Variants in RORB observed in about 807,000 individuals in gnomAD.
RORB encodes RAR related orphan receptor B.
RORB carries 6 observed loss-of-function variants against 59.1 expected under a neutral mutation model. The ratio of observed to expected loss-of-function variants is 0.10; its 90% CI spans 0.06 to 0.20. The LOEUF (loss-of-function observed/expected upper bound fraction) is 0.20, where lower values mean the gene tolerates loss of function less well. RORB is among the 10% of genes least tolerant of loss of function. The pLI is 1.00. For missense variants in RORB, 320 were observed against 560.5 expected (o/e 0.57, Z 4.33); for synonymous variants, 215 against 204.5 (o/e 1.05, Z -0.44).
chr9:74,533,782 A>G (rs1202776631), intron 1 of RORB, among the ~76,000 whole-genome samples: 1 of 151,966 alleles, frequency 6.6e-6, no homozygotes, highest in Non-Finnish European at 1.5e-5. Context: ...ATTCCTTTTT[A>G]CTAAATATAT....
chr9:74,516,693 T>A (rs1259614282), intron 1 of RORB, among the ~76,000 whole-genome samples: 1 of 152,028 alleles, frequency 6.6e-6, no homozygotes, highest in East Asian at 1.9e-4. Flanking sequence ...CAATGTCAAC[T>A]TAACTGACAT....
chr9:74,570,850 A>G (rs1822540316), intron 1 of RORB, among the ~76,000 whole-genome samples: 1 of 152,102 alleles, frequency 6.6e-6, no homozygotes, highest in Non-Finnish European at 1.5e-5. Context: ...GAAGGTGACT[A>G]AGCAAATGGA....
At chr9:74,604,739 CT>C (rs1001667706) in intron 1 of RORB, among the ~76,000 whole-genome samples, 33 of 152,228 alleles carry the variant, frequency 2.2e-4, no homozygotes, top group African/African-American at 7.9e-4. Flanking sequence ...AAGAAGAAGT[CT>C]TTTAAGTCTT....
chr9:74,578,420 T>C (rs1822669454), intron 1 of RORB, among the ~76,000 whole-genome samples: 1 of 152,252 alleles, frequency 6.6e-6, no homozygotes, highest in East Asian at 1.9e-4. Context: ...GAGTAAAGTA[T>C]GTTTAGGTTT....
chr9:74,517,296 T>C (rs1277481473), intron 1 of RORB, among the ~76,000 whole-genome samples: 1 of 152,030 alleles, frequency 6.6e-6, no homozygotes, highest in East Asian at 1.9e-4. Context: ...GATTCCAATG[T>C]TGTTTTCTGC....
chr9:74,514,212 A>C (rs1307900168), intron 1 of RORB, among the ~76,000 whole-genome samples: 1 of 152,152 alleles, frequency 6.6e-6, no homozygotes, highest in Non-Finnish European at 1.5e-5. Context: ...AATAACTACC[A>C]ACCTCAGAAT....
chr9:74,510,203 T>C (rs1242089499), intron 1 of RORB, among the ~76,000 whole-genome samples: 1 of 152,140 alleles, frequency 6.6e-6, no homozygotes, highest in Admixed American at 6.6e-5. Context: ...TGACTAAATT[T>C]GACCACAGAT....
intron 9 of RORB, among the ~76,000 whole-genome samples, chr9:74,680,820 T>G (rs369282934): frequency 6.0e-4 from 91 of 152,304 alleles, no homozygotes; most frequent in African/African-American, 2.0e-3. Flanking sequence ...GGAGGGCATC[T>G]TGATGGCCTG....
At chr9:74,616,485 T>G (rs1192783322) in intron 1 of RORB, among the ~76,000 whole-genome samples, 1 of 152,206 alleles carries the variant, frequency 6.6e-6, no homozygotes, top group African/African-American at 2.4e-5. Context: ...ACTGTTTCTG[T>G]GCAATTACCA....
intron 4 of RORB, among the ~76,000 whole-genome samples, chr9:74,646,601 A>G (rs1245068343): frequency 6.6e-6 from 1 of 152,184 alleles, no homozygotes; most frequent in Non-Finnish European, 1.5e-5. Flanking sequence ...GCAGTGAAGA[A>G]ACCATTTCAT....
At chr9:74,522,967 G>C (rs148672226) in intron 1 of RORB, among the ~76,000 whole-genome samples, 1 of 151,908 alleles carries the variant, frequency 6.6e-6, no homozygotes, top group African/African-American at 2.4e-5. Flanking sequence ...TATAGGATAG[G>C]GATGGTGCCA....
chr9:74,603,396 G>C (rs1823099269), intron 1 of RORB, among the ~76,000 whole-genome samples: 1 of 152,158 alleles, frequency 6.6e-6, no homozygotes, highest in Admixed American at 6.5e-5. Flanking sequence ...GATAAATGGG[G>C]AAAGTTGGAC....
At chr9:74,614,804 GT>G (rs1823285944) in intron 1 of RORB, among the ~76,000 whole-genome samples, 1 of 152,232 alleles carries the variant, frequency 6.6e-6, no homozygotes, top group South Asian at 2.1e-4. Flanking sequence ...TCCCATGGAA[GT>G]TAACGCAATT....
At chr9:74,618,721 T>C (rs1423812589) in intron 1 of RORB, among the ~76,000 whole-genome samples, 1 of 152,140 alleles carries the variant, frequency 6.6e-6, no homozygotes, top group Non-Finnish European at 1.5e-5. Flanking sequence ...CACCAAACTT[T>C]AGTCACTTGA....
intron 1 of RORB, among the ~76,000 whole-genome samples, chr9:74,619,244 C>T (rs1205373080): frequency 1.3e-5 from 2 of 152,182 alleles, no homozygotes; most frequent in African/African-American, 4.8e-5. Context: ...CAAGACCTGG[C>T]TCAAAAGGCA....
intron 1 of RORB, among the ~76,000 whole-genome samples, chr9:74,499,545 G>A: frequency 6.6e-6 from 1 of 152,164 alleles, no homozygotes; most frequent in Admixed American, 6.5e-5. Context: ...TTGATTGGCC[G>A]GCTCGCTGGG....
At chr9:74,587,596 G>T (rs1424418189) in intron 1 of RORB, among the ~76,000 whole-genome samples, 1 of 152,210 alleles carries the variant, frequency 6.6e-6, no homozygotes, top group Non-Finnish European at 1.5e-5. Context: ...TGAGGACTCA[G>T]CTAGGGACGG....
chr9:74,614,833 T>G (rs1563953263), intron 1 of RORB, among the ~76,000 whole-genome samples: 1 of 152,196 alleles, frequency 6.6e-6, no homozygotes, highest in Non-Finnish European at 1.5e-5. Flanking sequence ...ATTCATATAT[T>G]TATCCTTCCT....
chr9:74,690,575 G>A lies in RORB; in HGVS notation c.*4957G>A, dbSNP rs574962892. The A allele has an allele frequency of 6.6e-6, 1 of 152,344 alleles. No homozygotes were observed. The highest frequency in any genetic ancestry group is 2.1e-4 in the South Asian group (1 of 4,830). 9.4% of individuals were successfully genotyped at this position (152,344 alleles called of 1,614,324 possible). On this transcript the variant is annotated 3_prime_UTR_variant, in exon 10 of 10. Coordinates refer to ENST00000376896, the MANE Select transcript of RORB (RefSeq NM_006914.4). ...AGGGCCCATAGATCGTCAGCTTGCAGCCTCTGGTTTAAAGCAAAATCGCAT... is the reference window on the plus strand; with the variant it reads ...AGGGCCCATAGATCGTCAGCTTGCAACCTCTGGTTTAAAGCAAAATCGCAT...
Sources: allele counts gnomAD v4.1 joint callset (sites outside exome capture counted in the v4.1 genomes callset), GRCh38; gene constraint gnomAD v4.1.1; transcripts MANE v1.5; gene names NCBI Gene and HGNC (gene_info 2026-07-23, HGNC 2026-07-21).